Variants in AFAP1 observed in about 807,000 individuals in gnomAD.
AFAP1 encodes actin filament associated protein 1.
In AFAP1, 75 loss-of-function variants were observed where a neutral mutation model predicts 93.9. That is an observed-to-expected ratio of 0.80 (90% CI 0.66 to 0.97). The LOEUF (loss-of-function observed/expected upper bound fraction) is 0.97. Among genes scored for constraint, AFAP1 ranks in the 50% least tolerant of loss-of-function variants. The pLI, the probability that AFAP1 is intolerant of heterozygous loss-of-function variation, is 0.00. For synonymous variants in AFAP1, 517 were observed against 430.7 expected, an observed-to-expected ratio of 1.20 and a Z score of -2.48; for missense variants, 1,201 against 1,050.8, an observed-to-expected ratio of 1.14 and a Z score of -1.98.
chr4:7,867,131 C>CGGAGG (rs796753863), intron 3 of AFAP1, among the ~76,000 whole-genome samples: 130 of 11,896 alleles, frequency 0.011, 1 homozygote, highest in African/African-American at 0.032. Flanking sequence ...GGTAGGGGAG[C>CGGAGG]GGAGGGGAGG....
chr4:7,913,530 C>T lies in AFAP1; in HGVS notation c.-3+26126G>A, dbSNP rs990993829. On this transcript the variant is annotated intron_variant, in intron 1 of 17. Coordinates refer to ENST00000420658, the MANE Select transcript of AFAP1 (RefSeq NM_001134647.2). ...TGAAAAACATATAACTCTAAGTATC[C>T]TTACCTTAAAATTCTGATTCCTACC... Among the ~76,000 whole-genome samples, 12 of 152,066 alleles carry T rather than the reference C, an allele frequency of 7.9e-5. No individual in the cohort carries two copies. In the South Asian group the frequency reaches 2.5e-3, roughly 31 times the overall value.
rs368060760 is a variant in AFAP1, at chr4:7,767,962, G to C, written c.2418+882C>G. On this transcript the variant is annotated intron_variant, in intron 17 of 17. Coordinates refer to ENST00000420658, the MANE Select transcript of AFAP1 (RefSeq NM_001134647.2). ...ATAATGGTGTACACCTGCAGTCCCA[G>C]CTACTTGGGAGGCTGAGGTGGGAGG... is the stretch of plus-strand genomic sequence containing the variant. Among the ~76,000 whole-genome samples, 49 of 152,340 alleles carry C rather than the reference G, an allele frequency of 3.2e-4. No individual in the cohort carries two copies. In the East Asian group the frequency reaches 6.8e-3, roughly 21 times the overall value.
intron 9 of AFAP1, among the ~76,000 whole-genome samples, chr4:7,801,167 A>G (rs1026730619): frequency 6.6e-6 from 1 of 152,228 alleles, no homozygotes; most frequent in Admixed American, 6.5e-5. Context: ...AGGCCCTGGG[A>G]GGCACTAAGA....
intron 17 of AFAP1, among the ~76,000 whole-genome samples, chr4:7,768,317 C>T (rs1714913012): frequency 6.6e-6 from 1 of 152,214 alleles, no homozygotes; most frequent in African/African-American, 2.4e-5. Context: ...TCAAAACTTG[C>T]TAGTGGCTAA....
At chr4:7,793,613 G>C in intron 11 of AFAP1, 68 bp downstream of exon 11, 1 of 1,384,230 alleles carries the variant, frequency 7.2e-7, no homozygotes, top group Non-Finnish European at 9.5e-7. Context: ...CAAAAACTAA[G>C]TTAAGCTAAG....
At chr4:7,853,522 C>G (rs1004344875) in intron 4 of AFAP1, among the ~76,000 whole-genome samples, 1 of 152,136 alleles carries the variant, frequency 6.6e-6, no homozygotes, top group South Asian at 2.1e-4. Flanking sequence ...TTCCCCAGTC[C>G]TCATCCAGCT....
chr4:7,899,269 G>A (rs75284292), intron 1 of AFAP1, among the ~76,000 whole-genome samples: 12 of 152,066 alleles, frequency 7.9e-5, no homozygotes, highest in African/African-American at 2.7e-4. Flanking sequence ...ACAGTTATAC[G>A]CATTTGCTTC....
At chr4:7,884,253 T>C (rs1005684957) in intron 1 of AFAP1, among the ~76,000 whole-genome samples, 1 of 152,198 alleles carries the variant, frequency 6.6e-6, no homozygotes, top group Non-Finnish European at 1.5e-5. Context: ...TGCAGAACTA[T>C]GAGCCAATTA....
At chr4:7,825,242 T>C (rs192196190) in intron 6 of AFAP1, among the ~76,000 whole-genome samples, 2 of 152,290 alleles carry the variant, frequency 1.3e-5, no homozygotes, top group African/African-American at 4.8e-5. Context: ...ATTCCAGGAA[T>C]GTACCCTATG....
intron 1 of AFAP1, among the ~76,000 whole-genome samples, chr4:7,893,699 A>C (rs1235511065): frequency 6.6e-6 from 1 of 151,442 alleles, no homozygotes; most frequent in Non-Finnish European, 1.5e-5. Flanking sequence ...ACAACTCACC[A>C]CCGGGGGTTC....
At chr4:7,917,518 A>C (rs918291958) in intron 1 of AFAP1, among the ~76,000 whole-genome samples, 1 of 152,138 alleles carries the variant, frequency 6.6e-6, no homozygotes, top group Non-Finnish European at 1.5e-5. Context: ...TTGCTTTTGT[A>C]AAGTTTTTGA....
intron 1 of AFAP1, among the ~76,000 whole-genome samples, chr4:7,876,331 A>C (rs562515370): frequency 6.6e-6 from 1 of 152,372 alleles, no homozygotes; most frequent in South Asian, 2.1e-4. Flanking sequence ...AGCCACTGCT[A>C]TACTGCAAGG....
chr4:7,842,862 G>C, intron 5 of AFAP1: 1 of 396,186 alleles, frequency 2.5e-6, no homozygotes, highest in Non-Finnish European at 4.6e-6. Flanking sequence ...TTCCACAGAC[G>C]CAAACCACAG....
At position 7,868,729 on chromosome 4, in the gene AFAP1, T is replaced by C. The variant is rs1176334000; in HGVS notation, c.128-10A>G. The C allele has an allele frequency of 1.2e-6, 2 of 1,612,356 alleles. No homozygotes were observed. Among genetic ancestry groups the C allele is most frequent in the South Asian group, 2.2e-5 (2 of 90,974 alleles). ...TCCTTCACATCAAAACCTGTAAGAA[T>C]TAACCAGAACCACAGAACTGGATGA... On this transcript the variant is annotated splice_polypyrimidine_tract_variant and intron_variant, in intron 2 of 17. Transcript: ENST00000420658.
chr4:7,843,073 T>C, intron 5 of AFAP1, 66 bp downstream of exon 5: 10 of 1,535,346 alleles, frequency 6.5e-6, no homozygotes, highest in Admixed American at 1.7e-5. Flanking sequence ...GGTGACTGGA[T>C]ATAAACGCCA....
At chr4:7,813,362 C>T (rs746825441) in intron 8 of AFAP1, among the ~76,000 whole-genome samples, 6 of 152,180 alleles carry the variant, frequency 3.9e-5, no homozygotes, top group Non-Finnish European at 7.3e-5. Context: ...CCATGCCAGA[C>T]AAAAAGAAAA....
At chr4:7,857,155 G>T (rs1026465028) in intron 3 of AFAP1, among the ~76,000 whole-genome samples, 8 of 152,116 alleles carry the variant, frequency 5.3e-5, no homozygotes, top group Non-Finnish European at 8.8e-5. Context: ...ACAAGGAATG[G>T]AACAGAGCAG....
At chr4:7,937,995 A>G (rs1335240284) in intron 1 of AFAP1, among the ~76,000 whole-genome samples, 1 of 152,204 alleles carries the variant, frequency 6.6e-6, no homozygotes, top group African/African-American at 2.4e-5. Context: ...GCATTTTTCA[A>G]GCTGTGCTAC....
intron 6 of AFAP1, among the ~76,000 whole-genome samples, chr4:7,835,352 G>C (rs1487826003): frequency 1.1e-5 from 1 of 88,678 alleles, no homozygotes; most frequent in Non-Finnish European, 2.6e-5. Context: ...GGTTACCTGG[G>C]TGGCTCTTGA....
Sources: allele counts gnomAD v4.1 joint callset (sites outside exome capture counted in the v4.1 genomes callset), GRCh38; gene constraint gnomAD v4.1.1; transcripts MANE v1.5; gene names NCBI Gene and HGNC (gene_info 2026-07-23, HGNC 2026-07-21).